Variants in SCOC observed in about 807,000 individuals in gnomAD.
SCOC encodes the protein short coiled-coil protein, also known as short coiled coil protein.
A neutral mutation model predicts 9.9 loss-of-function variants in SCOC; 7 were observed. The observed-to-expected ratio is 0.71, with a 90% CI of 0.40 to 1.33. The LOEUF is 1.33. SCOC is among the 40% of genes most tolerant of loss of function. SCOC has a pLI of 0.01. For synonymous variants in SCOC, 19 were observed against 28.2 expected, an observed-to-expected ratio of 0.67 and a Z score of 1.03; for missense variants, 66 against 89.7, an observed-to-expected ratio of 0.74 and a Z score of 1.07.
At chr4:140,258,264 C>T (rs1466260412) in intron 1 of SCOC, among the ~76,000 whole-genome samples, 1 of 152,174 alleles carries the variant, frequency 6.6e-6, no homozygotes, top group African/African-American at 2.4e-5. Context: ...AGTTATTTCT[C>T]CCCAGATTTT....
intron 1 of SCOC, chr4:140,293,475 T>C: frequency 2.3e-6 from 1 of 443,804 alleles, no homozygotes; most frequent in South Asian, 1.6e-5. Flanking sequence ...GAGATGGAAA[T>C]GCCGGTCTGA....
intron 1 of SCOC, among the ~76,000 whole-genome samples, chr4:140,334,029 T>C (rs1350455713): frequency 6.6e-6 from 1 of 152,114 alleles, no homozygotes; most frequent in South Asian, 2.1e-4. Flanking sequence ...GTGATCCTCC[T>C]ACCTCAGCCT....
At chr4:140,339,953 A>T (rs1450012005), upstream of SCOC, among the ~76,000 whole-genome samples, 3 of 152,238 alleles carry the variant, frequency 2.0e-5, no homozygotes, top group African/African-American at 7.2e-5. Context: ...ATTACTGGGT[A>T]TATACCCAAA....
chr4:140,333,767 C>G (rs1211436441), intron 1 of SCOC, among the ~76,000 whole-genome samples: 1 of 152,162 alleles, frequency 6.6e-6, no homozygotes, highest in African/African-American at 2.4e-5. Context: ...AATCTGACAT[C>G]TTGTTGCTGG....
upstream of SCOC, among the ~76,000 whole-genome samples, chr4:140,372,943 C>T (rs1578878671): frequency 6.6e-6 from 1 of 152,190 alleles, no homozygotes; most frequent in African/African-American, 2.4e-5. Context: ...GGCTTCAGTT[C>T]CTTTCTGTGG....
At chr4:140,314,549 A>G (rs1440427729) in intron 1 of SCOC, 1 of 152,226 alleles carries the variant, frequency 6.6e-6, no homozygotes, top group Non-Finnish European at 1.5e-5. Context: ...TGGGAGCTAC[A>G]TCTTGGCCAC....
chr4:140,293,293 G>A (rs1371167765), intron 1 of SCOC: 1 of 456,472 alleles, frequency 2.2e-6, no homozygotes, highest in South Asian at 1.5e-5. Context: ...GTCAGGGAGG[G>A]TCTGAGTAAC....
chr4:140,297,240 T>G (rs1731668059), intron 1 of SCOC, among the ~76,000 whole-genome samples: 2 of 143,172 alleles, frequency 1.4e-5, no homozygotes. Flanking sequence ...GGAGGGAAAA[T>G]GCCGGAGAGG....
At chr4:140,340,747 C>T (rs927713470), upstream of SCOC, among the ~76,000 whole-genome samples, 19 of 142,882 alleles carry the variant, frequency 1.3e-4, no homozygotes, top group East Asian at 3.9e-3. Context: ...ATAACTTTTG[C>T]TCAGTGAATA....
intron 1 of SCOC, among the ~76,000 whole-genome samples, chr4:140,264,590 T>G (rs1403303802): frequency 6.6e-6 from 1 of 152,156 alleles, no homozygotes; most frequent in Non-Finnish European, 1.5e-5. Flanking sequence ...GGCAGGGACT[T>G]CTTTTGGTGG....
rs11938800 is a variant in SCOC at position 140,291,464 on chromosome 4, T to C, written c.-19+34054T>C. 7 of 457,212 alleles carry C rather than the reference T, an allele frequency of 1.5e-5. No individual in the cohort carries two copies. In the East Asian group the frequency reaches 4.9e-4, roughly 32 times the overall value. The allele number at this position is 457,212 out of a possible 1,614,324, so 28.3% of individuals were successfully genotyped here. A position where few individuals can be genotyped will look rare whatever the true frequency, so the allele number is the denominator to read the frequency against. On this transcript the variant is annotated intron_variant, in intron 1 of 4. Coordinates refer to the SCOC transcript ENST00000394205. Reference sequence around the variant, plus strand: ...TTGTCATCTTGCCCAGTCAGCATGATGTCATCATTGTAATGGATCCATATG... The same window carrying C: ...TTGTCATCTTGCCCAGTCAGCATGACGTCATCATTGTAATGGATCCATATG...
At chr4:140,283,833 A>G (rs2126419488) in intron 1 of SCOC, 1 of 152,330 alleles carries the variant, frequency 6.6e-6, no homozygotes. Context: ...TTTAGCATCA[A>G]ATATATCCTC....
At chr4:140,336,273 G>T (rs578086616) in intron 1 of SCOC, among the ~76,000 whole-genome samples, 2 of 152,092 alleles carry the variant, frequency 1.3e-5, no homozygotes, top group South Asian at 4.2e-4. Context: ...CAATTCAGTG[G>T]CATTTAGTGA....
At chr4:140,276,994 C>T (rs575329133) in intron 1 of SCOC, among the ~76,000 whole-genome samples, 2 of 152,184 alleles carry the variant, frequency 1.3e-5, no homozygotes, top group Admixed American at 6.5e-5. Flanking sequence ...AATTTGCAAA[C>T]TTAAACTGAA....
At chr4:140,285,432 G>C (rs1325360529) in intron 1 of SCOC, among the ~76,000 whole-genome samples, 1 of 152,192 alleles carries the variant, frequency 6.6e-6, no homozygotes, top group Non-Finnish European at 1.5e-5. Context: ...TACTGCTATA[G>C]AAAACCAGCA....
At chr4:140,320,799 G>A (rs1225315289) in intron 1 of SCOC, among the ~76,000 whole-genome samples, 1 of 152,188 alleles carries the variant, frequency 6.6e-6, no homozygotes, top group African/African-American at 2.4e-5. Context: ...CTGCAGCTAG[G>A]AGAGGAGAAT....
intron 1 of SCOC, among the ~76,000 whole-genome samples, chr4:140,277,879 AG>A (rs1483581439): frequency 6.6e-6 from 1 of 152,234 alleles, no homozygotes; most frequent in Non-Finnish European, 1.5e-5. Context: ...TTCACTACCA[AG>A]GAGAGGAAGA....
intron 2 of SCOC, among the ~76,000 whole-genome samples, chr4:140,363,623 C>T (rs1395789598): frequency 2.6e-5 from 4 of 152,274 alleles, no homozygotes; most frequent in Non-Finnish European, 5.9e-5. Context: ...TGTATTAAAC[C>T]ATAAGTGCAT....
chr4:140,314,918 T>G (rs999230250), intron 1 of SCOC, among the ~76,000 whole-genome samples: 1 of 152,254 alleles, frequency 6.6e-6, no homozygotes, highest in Admixed American at 6.5e-5. Context: ...TTCCTTTCCA[T>G]TTTCTCACTT....
Sources: allele counts gnomAD v4.1 joint callset (sites outside exome capture counted in the v4.1 genomes callset), GRCh38; gene constraint gnomAD v4.1.1; transcripts MANE v1.5; gene names NCBI Gene and HGNC (gene_info 2026-07-23, HGNC 2026-07-21).